CCL28: variants seen among roughly 807,000 people sequenced by gnomAD.
The protein encoded by CCL28 is C-C motif chemokine 28.
In CCL28, 4 loss-of-function variants were observed where a neutral mutation model predicts 7.1. The observed-to-expected ratio is 0.56, with a 90% CI of 0.28 to 1.29. The LOEUF (loss-of-function observed/expected upper bound fraction) is 1.29. Among genes scored for constraint, CCL28 ranks in the 50% most tolerant of loss-of-function variants. The pLI is 0.11. For missense variants in CCL28, 151 were observed against 163.4 expected (o/e 0.92, Z 0.41); for synonymous variants, 55 against 57.8 (o/e 0.95, Z 0.22).
chr5:43,402,497 A>G (rs1481656860), intron 1 of CCL28, among the ~76,000 whole-genome samples: 1 of 152,224 alleles, frequency 6.6e-6, no homozygotes, highest in Non-Finnish European at 1.5e-5. Flanking sequence ...TGTTAAGACA[A>G]TATGTAGATT....
At position 43,384,005 on chromosome 5, in the gene CCL28, G is replaced by A. The variant is rs115971856; in HGVS notation, c.192-1953C>T. 1,594 of 195,418 alleles carry A rather than the reference G, an allele frequency of 8.2e-3. 30 individuals carry two copies. The highest frequency in any genetic ancestry group is 0.036 in the African/African-American group (1,536 of 42,446). 12.1% of individuals were successfully genotyped at this position (195,418 alleles called of 1,614,324 possible). A position where few individuals can be genotyped will look rare whatever the true frequency, so the allele number is the denominator to read the frequency against. The stretch of plus-strand genomic sequence containing the variant: ...CTTGGAAGGCTGAGGTAGGAGAATC[G>A]TTTGAACCAGGTAGGTGGAGGTTGT... On this transcript the variant is annotated intron_variant, in intron 2 of 2. Coordinates refer to ENST00000361115, the MANE Select transcript of CCL28 (RefSeq NM_148672.3).
rs182818547 is a variant in CCL28 at position 43,402,309 on chromosome 5, T to C, written c.64+9944A>G. Among the ~76,000 whole-genome samples, 71 of 152,326 alleles carry C rather than the reference T, an allele frequency of 4.7e-4. 1 individual carries two copies. The highest frequency in any genetic ancestry group is 1.7e-3 in the African/African-American group (69 of 41,574). On this transcript the variant is annotated intron_variant, in intron 1 of 2. Transcript: ENST00000361115. ...TTGTTCATATTAAACTTTCAAATTA[T>C]CTGGTTTCTGTCTCCTAATAGGACC...
chr5:43,409,202 T>C (rs1741434634), intron 1 of CCL28, among the ~76,000 whole-genome samples: 1 of 152,006 alleles, frequency 6.6e-6, no homozygotes, highest in South Asian at 2.1e-4. Flanking sequence ...GAGGTGGGTG[T>C]ATCACCTGAG....
At chr5:43,365,475 A>G in the CCL28 span, among the ~76,000 whole-genome samples, 3 of 152,100 alleles carry the variant, frequency 2.0e-5, no homozygotes, top group African/African-American at 7.2e-5. Flanking sequence ...TGGTCTTTAT[A>G]ATTTGGTATG....
At chr5:43,364,034 A>G in the CCL28 span, among the ~76,000 whole-genome samples, 1 of 152,230 alleles carries the variant, frequency 6.6e-6, no homozygotes, top group African/African-American at 2.4e-5. Flanking sequence ...CAGATTTGGG[A>G]GAGGGACAGG....
At chr5:43,372,579 G>A (rs910287894), downstream of CCL28, among the ~76,000 whole-genome samples, 2 of 151,782 alleles carry the variant, frequency 1.3e-5, no homozygotes, top group Non-Finnish European at 2.9e-5. Flanking sequence ...ATGTTGGTCA[G>A]GCTGGTCTCA....
chr5:43,367,881 C>CTAG, the CCL28 span, among the ~76,000 whole-genome samples: 1 of 152,170 alleles, frequency 6.6e-6, no homozygotes, highest in African/African-American at 2.4e-5. Flanking sequence ...CTTTGTTAGC[C>CTAG]CATAAAGTCT....
chr5:43,360,608 T>A, the CCL28 span, among the ~76,000 whole-genome samples: 1 of 152,212 alleles, frequency 6.6e-6, no homozygotes, highest in East Asian at 1.9e-4. Context: ...ATCTCCTTTT[T>A]TTATGGCTGC....
In CCL28 at chr5:43,379,769, C is replaced by T. The variant is rs536993626; in HGVS notation, c.*2091G>A. ...CACTACTGGGCTCTTACCTATCTAT[C>T]TTGAAGCCTCTATGGACAAAAAAGA... On this transcript the variant is annotated 3_prime_UTR_variant, in exon 3 of 3. Coordinates refer to ENST00000361115, the MANE Select transcript of CCL28 (RefSeq NM_148672.3). 6.6e-6 allele frequency: 1 copy of T among 152,248 alleles called. No homozygotes were observed. The highest frequency in any genetic ancestry group is 1.9e-4 in the East Asian group (1 of 5,178). 9.4% of individuals were successfully genotyped at this position (152,248 alleles called of 1,614,324 possible).
At chr5:43,360,237 T>TA in the CCL28 span, among the ~76,000 whole-genome samples, 3 of 151,990 alleles carry the variant, frequency 2.0e-5, no homozygotes, top group African/African-American at 7.3e-5. Context: ...CAGACCCACG[T>TA]AAAAAAAATG....
intron 1 of CCL28, among the ~76,000 whole-genome samples, chr5:43,392,180 G>A (rs1740599643): frequency 6.6e-6 from 1 of 152,094 alleles, no homozygotes; most frequent in Non-Finnish European, 1.5e-5. Context: ...GCAGTGGCGC[G>A]ATCTCGGCTC....
At chr5:43,379,013 T>C (rs1285282156), downstream of CCL28, among the ~76,000 whole-genome samples, 1 of 152,130 alleles carries the variant, frequency 6.6e-6, no homozygotes, top group African/African-American at 2.4e-5. Context: ...CCAGGCACAC[T>C]ATCTTCAGAC....
chr5:43,362,192 C>T, the CCL28 span, among the ~76,000 whole-genome samples: 5 of 152,040 alleles, frequency 3.3e-5, no homozygotes, highest in Non-Finnish European at 7.4e-5. Flanking sequence ...TTGTAATACT[C>T]ATTGTAGAGA....
the CCL28 span, among the ~76,000 whole-genome samples, chr5:43,366,712 C>T: frequency 6.6e-6 from 1 of 152,252 alleles, no homozygotes; most frequent in African/African-American, 2.4e-5. Flanking sequence ...AGCCAGCAGG[C>T]TGGAATGTCT....
chr5:43,406,216 A>G (rs1375813432), intron 1 of CCL28, among the ~76,000 whole-genome samples: 1 of 152,126 alleles, frequency 6.6e-6, no homozygotes, highest in Non-Finnish European at 1.5e-5. Context: ...TTAGACCAAT[A>G]TCCTTGATGA....
intron 1 of CCL28, among the ~76,000 whole-genome samples, chr5:43,404,209 G>C (rs1411350861): frequency 2.6e-5 from 4 of 152,192 alleles, no homozygotes; most frequent in Non-Finnish European, 4.4e-5. Context: ...ATAATTGTCA[G>C]ATTCACCAAA....
intron 1 of CCL28, 43 bp downstream of exon 1, chr5:43,412,210 C>A: frequency 3.9e-6 from 6 of 1,537,544 alleles, no homozygotes; most frequent in Non-Finnish European, 5.4e-6. Flanking sequence ...GGGAGATACC[C>A]CCCTTTCCAG....
At chr5:43,359,024 C>T in the CCL28 span, among the ~76,000 whole-genome samples, 19 of 152,290 alleles carry the variant, frequency 1.2e-4, no homozygotes, top group Admixed American at 1.2e-3. Context: ...TGATCCCCTC[C>T]TTGTTCAGGG....
intron 1 of CCL28, among the ~76,000 whole-genome samples, chr5:43,411,281 A>G (rs990607770): frequency 6.6e-6 from 1 of 152,226 alleles, no homozygotes; most frequent in Non-Finnish European, 1.5e-5. Flanking sequence ...AGCTTAAAGA[A>G]AAGATGACAA....
Sources: allele counts gnomAD v4.1 joint callset (sites outside exome capture counted in the v4.1 genomes callset), GRCh38; gene constraint gnomAD v4.1.1; transcripts MANE v1.5; gene names NCBI Gene and HGNC (gene_info 2026-07-23, HGNC 2026-07-21).